The following IGSF10 variants were observed in gnomAD, a reference collection of about 807,000 sequenced individuals.
The protein encoded by IGSF10 is calvaria mechanical force protein 608.
IGSF10 carries 126 observed loss-of-function variants against 128.2 expected under a neutral mutation model. That is an observed-to-expected ratio of 0.98 (90% confidence interval 0.85 to 1.14). The LOEUF (loss-of-function observed/expected upper bound fraction) is 1.14, where lower values mean the gene tolerates loss of function less well. IGSF10 is among the 50% of genes most tolerant of loss of function. IGSF10 has a pLI of 0.00. For synonymous variants in IGSF10, 1,185 were observed against 1,146.2 expected, an observed-to-expected ratio of 1.03 and a Z score of -0.68; for missense variants, 3,295 against 3,149.8, an observed-to-expected ratio of 1.05 and a Z score of -1.10.
Position 151,443,568 on chromosome 3 carries a change from T to C in IGSF10, c.5379A>G (p.Gly1793=), listed in dbSNP as rs138631531. 8.1e-6 allele frequency: 13 copies of C among 1,614,078 alleles called. No individual in the cohort carries two copies. In the African/African-American group the frequency reaches 1.6e-4, roughly 20 times the overall value. Residue 1793 remains glycine, a synonymous_variant, in exon 7 of 8, where the codon GGA becomes GGG. Transcript: ENST00000282466. ...NQTVVSESSQ[G]SRQAVVTVDG... ...CAACCGTCACCACAGCCTGCCTACT[T>C]CCCTGGGATGATTCTGAGACAACTG...
the IGSF10 span, among the ~76,000 whole-genome samples, chr3:151,586,999 G>T: frequency 6.6e-6 from 1 of 152,136 alleles, no homozygotes; most frequent in African/African-American, 2.4e-5. Flanking sequence ...GTAATTTAAA[G>T]TAGGAATTAA....
chr3:151,546,236 A>G, the IGSF10 span, among the ~76,000 whole-genome samples: 1 of 152,112 alleles, frequency 6.6e-6, no homozygotes, highest in Non-Finnish European at 1.5e-5. Context: ...CAGCGAGACT[A>G]TTATGAAAAC....
At chr3:151,438,761 ATT>A (rs902866645) in intron 7 of IGSF10, among the ~76,000 whole-genome samples, 164 bp from the exon 8 acceptor site, 1 of 151,414 alleles carries the variant, frequency 6.6e-6, no homozygotes, top group African/African-American at 2.4e-5. Context: ...ATATATATAC[ATT>A]TTGAGGTGTG....
At chr3:151,547,801 G>A in the IGSF10 span, among the ~76,000 whole-genome samples, 958 of 152,174 alleles carry the variant, frequency 6.3e-3, 11 homozygotes, top group African/African-American at 0.022. Flanking sequence ...AGAATCCGCC[G>A]GCATGTTATT....
At chr3:151,508,705 T>C in the IGSF10 span, among the ~76,000 whole-genome samples, 1 of 152,184 alleles carries the variant, frequency 6.6e-6, no homozygotes, top group South Asian at 2.1e-4. Flanking sequence ...TTCTGACCTC[T>C]AACTTTGGGA....
chr3:151,474,191 A>T, the IGSF10 span, among the ~76,000 whole-genome samples: 1 of 152,146 alleles, frequency 6.6e-6, no homozygotes, highest in Non-Finnish European at 1.5e-5. Context: ...GCTCAAGCTG[A>T]AGGCATACGT....
At position 151,437,289 on chromosome 3, in the gene IGSF10, G is replaced by T; in HGVS notation, c.7272C>A (p.Val2424=). ...RNKVGYIEKL[V]ILEIGQKPVI... ...CTGGCTTCTGGCCAATTTCTAATAT[G>T]ACTAATTTCTCAATATAGCCAACTT... The change falls in exon 8 of 8, where the codon GTC becomes GTA. Residue 2424 remains valine (V), a synonymous_variant. Coordinates refer to ENST00000282466, the MANE Select transcript of IGSF10 (RefSeq NM_178822.5). The T allele has an allele frequency of 6.2e-7, 1 of 1,614,116 alleles. No individual in the cohort carries two copies. Among genetic ancestry groups the T allele is most frequent in the Non-Finnish European group, 8.5e-7 (1 of 1,179,996 alleles).
At chr3:151,561,403 T>G in the IGSF10 span, among the ~76,000 whole-genome samples, 4 of 152,144 alleles carry the variant, frequency 2.6e-5, no homozygotes, top group Non-Finnish European at 4.4e-5. Flanking sequence ...ATGAAGAATC[T>G]AAGAATCCCT....
chr3:151,588,263 C>T, the IGSF10 span, among the ~76,000 whole-genome samples: 700 of 152,242 alleles, frequency 4.6e-3, 7 homozygotes, highest in African/African-American at 0.016. Flanking sequence ...TTCACTTCTT[C>T]TGCTGGGTCT....
the IGSF10 span, among the ~76,000 whole-genome samples, chr3:151,494,694 T>G: frequency 6.6e-6 from 1 of 152,128 alleles, no homozygotes; most frequent in Non-Finnish European, 1.5e-5. Context: ...GAAGTTTACC[T>G]TTTATTCATA....
At chr3:151,546,199 C>T in the IGSF10 span, among the ~76,000 whole-genome samples, 2 of 151,892 alleles carry the variant, frequency 1.3e-5, no homozygotes, top group African/African-American at 4.8e-5. Context: ...TCTCTGTTGG[C>T]AAGGCTCAGG....
At chr3:151,439,621 A>AT (rs1720716165) in intron 7 of IGSF10, among the ~76,000 whole-genome samples, 1 of 152,238 alleles carries the variant, frequency 6.6e-6, no homozygotes, top group Admixed American at 6.5e-5. Flanking sequence ...TTAGAAAAAA[A>AT]TAAATTTTAC....
At chr3:151,589,233 C>T in the IGSF10 span, among the ~76,000 whole-genome samples, 1 of 152,070 alleles carries the variant, frequency 6.6e-6, no homozygotes, top group Non-Finnish European at 1.5e-5. Flanking sequence ...AGTTAGAGAT[C>T]ATTTAAAAGT....
chr3:151,566,194 C>A, the IGSF10 span, among the ~76,000 whole-genome samples: 2 of 151,912 alleles, frequency 1.3e-5, no homozygotes, highest in African/African-American at 4.8e-5. Flanking sequence ...AGAAATCTGA[C>A]CAAATAATGA....
the IGSF10 span, among the ~76,000 whole-genome samples, chr3:151,524,910 C>G: frequency 6.8e-6 from 1 of 147,786 alleles, no homozygotes. Flanking sequence ...ATCATTCCTT[C>G]TTTCCTTTTT....
chr3:151,601,870 A>G, the IGSF10 span, among the ~76,000 whole-genome samples: 2 of 152,216 alleles, frequency 1.3e-5, no homozygotes, highest in Non-Finnish European at 2.9e-5. Flanking sequence ...ACATGTCTCC[A>G]TGGGGCAGTT....
At position 151,447,227 on chromosome 3, in the gene IGSF10, A is replaced by G. The variant is rs1721250254; in HGVS notation, c.2754T>C (p.Ser918=). The change falls in exon 6 of 8, where the codon AGT becomes AGC. Residue 918 remains serine, a synonymous_variant. Transcript: ENST00000282466. ...TAGTCCTTACTGTTATTGGGGGTCT[A>G]CTTTGGAAATGCTCTCTTCCTCTTC... is the stretch of plus-strand genomic sequence containing the variant. ...QMGRGREHFQ[S]RPPITVRTMI... 1 of 1,614,080 alleles carries G rather than the reference A, an allele frequency of 6.2e-7. No individual in the cohort carries two copies. The highest frequency in any genetic ancestry group is 8.5e-7 in the Non-Finnish European group (1 of 1,180,034).
chr3:151,459,683 GGTATCTGTTA>G (rs1721961444), intron 2 of IGSF10, among the ~76,000 whole-genome samples: 1 of 152,036 alleles, frequency 6.6e-6, no homozygotes, highest in Non-Finnish European at 1.5e-5. Flanking sequence ...AAAAAAAAAT[GGTATCTGTTA>G]CCCATATGTG....
At chr3:151,599,559 G>A in the IGSF10 span, among the ~76,000 whole-genome samples, 5 of 152,166 alleles carry the variant, frequency 3.3e-5, no homozygotes, top group East Asian at 1.9e-4. Flanking sequence ...ACTTTATTGC[G>A]TCTTTTTTGT....
Sources: gnomAD v4.1 joint callset for allele counts (sites outside exome capture counted in the v4.1 genomes callset) on GRCh38, gnomAD v4.1.1 for gene constraint, MANE v1.5 for transcripts, NCBI Gene and HGNC (gene_info 2026-07-23, HGNC 2026-07-21) for gene names.